Variants in TCF12 observed in about 807,000 individuals in gnomAD.
TCF12 encodes the protein DNA-binding protein HTF4.
TCF12 carries 45 observed loss-of-function variants against 86.0 expected under a neutral mutation model. The observed-to-expected ratio is 0.52, with a 90% confidence interval of 0.41 to 0.67. TCF12 has a LOEUF of 0.67. Ranked by LOEUF, TCF12 falls within the 30% of genes least tolerant of loss-of-function variation. TCF12 has a pLI of 0.00. For synonymous variants in TCF12, 330 were observed against 299.6 expected, an observed-to-expected ratio of 1.10 and a Z score of -1.05; for missense variants, 881 against 859.9, an observed-to-expected ratio of 1.02 and a Z score of -0.31.
At chr15:57,283,755 T>C (rs1420146061) in intron 20 of TCF12, among the ~76,000 whole-genome samples, 1 of 152,220 alleles carries the variant, frequency 6.6e-6, no homozygotes, top group African/African-American at 2.4e-5. Flanking sequence ...TTTGATAGAT[T>C]GTTTGATAGA....
intron 3 of TCF12, among the ~76,000 whole-genome samples, chr15:56,968,679 C>T (rs1365663702): frequency 6.6e-6 from 1 of 152,164 alleles, no homozygotes; most frequent in Non-Finnish European, 1.5e-5. Flanking sequence ...CATTCGTGAA[C>T]CCCAAATATC....
intron 19 of TCF12, among the ~76,000 whole-genome samples, chr15:57,281,985 G>T: frequency 6.6e-6 from 1 of 152,010 alleles, no homozygotes; most frequent in Admixed American, 6.6e-5. Context: ...GGGGACCACT[G>T]CTTTAGAGGA....
intron 3 of TCF12, among the ~76,000 whole-genome samples, chr15:57,034,206 T>C (rs2066368289): frequency 6.6e-6 from 1 of 152,192 alleles, no homozygotes; most frequent in African/African-American, 2.4e-5. Context: ...TTTACTTGAG[T>C]CACTGAGATT....
In TCF12 at chr15:57,122,743, A is replaced by G. The variant is rs185536331; in HGVS notation, c.325+30852A>G. Among the ~76,000 whole-genome samples the G allele has an allele frequency of 1.0e-3, 154 of 152,338 alleles. 1 individual carries two copies. The highest frequency in any genetic ancestry group is 3.4e-3 in the African/African-American group (141 of 41,590). On this transcript the variant is annotated intron_variant, in intron 5 of 20. Transcript: ENST00000333725. ...CTTTGGAATGTATCTGTTAAATACAATTAAATTTGGAATGCAGTATTTAGA... is the reference window on the plus strand; with the variant it reads ...CTTTGGAATGTATCTGTTAAATACAGTTAAATTTGGAATGCAGTATTTAGA...
intron 3 of TCF12, among the ~76,000 whole-genome samples, chr15:56,962,795 G>A (rs374306928): frequency 1.3e-5 from 2 of 152,268 alleles, no homozygotes; most frequent in South Asian, 4.1e-4. Flanking sequence ...TATTTAGAAT[G>A]ATAATGTGAA....
chr15:57,246,922 C>G (rs1451013251), intron 13 of TCF12: 8 of 513,476 alleles, frequency 1.6e-5, no homozygotes, highest in African/African-American at 7.8e-5. Context: ...TCCTCGTTCT[C>G]TCTCCTGCTA....
At chr15:57,248,453 A>G (rs549170461) in intron 13 of TCF12, among the ~76,000 whole-genome samples, 3 of 152,382 alleles carry the variant, frequency 2.0e-5, no homozygotes, top group South Asian at 4.1e-4. Flanking sequence ...GGAGCTTGGA[A>G]GGCAAACAAG....
chr15:57,223,179 C>G (rs2058682101), intron 8 of TCF12, among the ~76,000 whole-genome samples: 1 of 151,876 alleles, frequency 6.6e-6, no homozygotes. Context: ...AAATGAGGTT[C>G]AACCTCACCT....
In TCF12 at chr15:57,165,134, CTGTGTG is replaced by C. The variant is rs10651646; in HGVS notation, c.326-1243_326-1238del. 6.3e-3 allele frequency among the ~76,000 whole-genome samples: 933 copies of C among 147,214 alleles called. 11 individuals carry two copies. The highest frequency in any genetic ancestry group is 0.022 in the African/African-American group (854 of 39,540). On this transcript the variant is annotated intron_variant, in intron 5 of 20. Coordinates refer to ENST00000333725, the MANE Select transcript of TCF12 (RefSeq NM_207037.2). ...GTGTCTATCCTGAAGGAATGTATGT[CTGTGTG>C]TGTGTGTGTGTGTGTGTGTGTGTGC...
At chr15:57,157,955 C>T (rs1206141820) in intron 5 of TCF12, among the ~76,000 whole-genome samples, 1 of 152,036 alleles carries the variant, frequency 6.6e-6, no homozygotes, top group Non-Finnish European at 1.5e-5. Flanking sequence ...TACCCACCCA[C>T]CTCACCCTCT....
chr15:56,922,388 G>A (rs982587505), intron 3 of TCF12, among the ~76,000 whole-genome samples: 1 of 151,848 alleles, frequency 6.6e-6, no homozygotes, highest in Admixed American at 6.6e-5. Context: ...TGAACTCCAG[G>A]AACTTGCTGT....
At chr15:57,167,629 G>C (rs1262774176) in intron 6 of TCF12, among the ~76,000 whole-genome samples, 1 of 151,934 alleles carries the variant, frequency 6.6e-6, no homozygotes, top group East Asian at 1.9e-4. Flanking sequence ...GAAAGAGAGA[G>C]AGAAAATAAA....
intron 4 of TCF12, among the ~76,000 whole-genome samples, chr15:57,085,646 A>G (rs1258438548): frequency 5.3e-5 from 8 of 152,252 alleles, no homozygotes; most frequent in African/African-American, 1.9e-4. Context: ...TTATCTAGAC[A>G]TTAATTTTGG....
At chr15:57,025,310 C>T (rs1190310839) in intron 3 of TCF12, among the ~76,000 whole-genome samples, 3 of 152,146 alleles carry the variant, frequency 2.0e-5, no homozygotes, top group African/African-American at 7.2e-5. Flanking sequence ...GAATTCCTGA[C>T]CTCAAGTGAT....
chr15:57,239,838 A>T (rs982864791), intron 12 of TCF12, among the ~76,000 whole-genome samples: 10 of 152,136 alleles, frequency 6.6e-5, no homozygotes, highest in African/African-American at 2.4e-4. Context: ...TGGGGTGGTG[A>T]TAAAAAATTT....
At chr15:57,149,378 A>G (rs1400485066) in intron 5 of TCF12, among the ~76,000 whole-genome samples, 2 of 152,238 alleles carry the variant, frequency 1.3e-5, no homozygotes, top group African/African-American at 4.8e-5. Flanking sequence ...TAGGAACTGG[A>G]CATTGTATTT....
intron 6 of TCF12, among the ~76,000 whole-genome samples, chr15:57,171,790 A>G (rs1040549946): frequency 9.9e-5 from 15 of 152,240 alleles, no homozygotes; most frequent in African/African-American, 3.6e-4. Context: ...TGAAACACAG[A>G]GCATAGAAGC....
intron 3 of TCF12, among the ~76,000 whole-genome samples, chr15:56,932,025 A>G (rs1294167561): frequency 2.0e-5 from 3 of 152,176 alleles, no homozygotes; most frequent in African/African-American, 4.8e-5. Flanking sequence ...TCTTGCCTTC[A>G]TATTTGTATA....
At chr15:57,072,054 C>G (rs1450809078) in intron 4 of TCF12, among the ~76,000 whole-genome samples, 4 of 152,150 alleles carry the variant, frequency 2.6e-5, no homozygotes, top group Admixed American at 1.3e-4. Flanking sequence ...TAAATATTAA[C>G]TTACTGTGGT....
Sources: gnomAD v4.1 joint callset for allele counts (sites outside exome capture counted in the v4.1 genomes callset) on GRCh38, gnomAD v4.1.1 for gene constraint, MANE v1.5 for transcripts, NCBI Gene and HGNC (gene_info 2026-07-23, HGNC 2026-07-21) for gene names.